Variants in CLIP2 observed in about 807,000 individuals in gnomAD.
CLIP2 encodes CAP-Gly domain-containing linker protein 2.
CLIP2 carries 41 observed loss-of-function variants against 111.7 expected under a neutral mutation model. The ratio of observed to expected loss-of-function variants is 0.37; its 90% CI spans 0.29 to 0.48. The LOEUF (loss-of-function observed/expected upper bound fraction) is 0.48. CLIP2 is among the 20% of genes least tolerant of loss of function. The pLI is 0.99. For missense variants in CLIP2, 1,160 were observed against 1,422.1 expected (o/e 0.82, Z 2.96); for synonymous variants, 660 against 644.2 (o/e 1.02, Z -0.37).
chr7:74,404,110 C>A lies in CLIP2; in HGVS notation c.*262C>A. ...GGGGACCTTCAGCCTGGACACCCGGCAGCTTCTGGAGTTTGTCAGTGGAGG... is the reference window on the plus strand; with the variant it reads ...GGGGACCTTCAGCCTGGACACCCGGAAGCTTCTGGAGTTTGTCAGTGGAGG... On this transcript the variant is annotated 3_prime_UTR_variant, in exon 17 of 17. Coordinates refer to ENST00000223398, the MANE Select transcript of CLIP2 (RefSeq NM_003388.5). The A allele has an allele frequency of 2.0e-6, 1 of 493,084 alleles. No homozygotes were observed. Among genetic ancestry groups the A allele is most frequent in the Non-Finnish European group, 3.7e-6 (1 of 268,032 alleles). 30.5% of individuals were successfully genotyped at this position (493,084 alleles called of 1,614,324 possible).
At chr7:74,364,147 G>C in intron 7 of CLIP2, 108 bp from the exon 8 acceptor site, 1 of 979,976 alleles carries the variant, frequency 1.0e-6, no homozygotes, top group Non-Finnish European at 1.5e-6. Flanking sequence ...CCTCGCCTCT[G>C]GATTCTGGGC....
intron 13 of CLIP2, among the ~76,000 whole-genome samples, chr7:74,392,094 G>A (rs1791305665): frequency 1.3e-5 from 2 of 151,740 alleles, no homozygotes; most frequent in African/African-American, 4.8e-5. Flanking sequence ...GCTCACGCCT[G>A]TAATCCCAGC....
rs782634260 is a variant in CLIP2, at chr7:74,338,815, G to A, written c.489G>A (p.Ser163=). 11 of 1,610,998 alleles carry A rather than the reference G, an allele frequency of 6.8e-6. No individual in the cohort carries two copies. The East Asian group carries it at 1.8e-4, about 26-fold the overall frequency. Residue 163 remains serine, a synonymous_variant, in exon 3 of 17, where the codon TCG becomes TCA. Coordinates refer to ENST00000223398, the MANE Select transcript of CLIP2 (RefSeq NM_003388.5). The surrounding 1 kb of genome is among the most constrained non-coding windows in gnomAD (Gnocchi z 4.3). ...GSGSDAHSVE[S]LTAQNLSLHS... is the part of the protein sequence containing the mutation. ...GGAGTGATGCCCACTCCGTGGAGTC[G>A]CTGACTGCCCAGAACCTGTCATTGC...
At chr7:74,293,336 T>G (rs1434812374) in intron 1 of CLIP2, among the ~76,000 whole-genome samples, 1 of 152,164 alleles carries the variant, frequency 6.6e-6, no homozygotes, top group Non-Finnish European at 1.5e-5. Flanking sequence ...TGCGGTTTCA[T>G]TTTTTCGGCC....
chr7:74,332,490 G>A (rs1789320336), intron 2 of CLIP2, among the ~76,000 whole-genome samples: 1 of 118,688 alleles, frequency 8.4e-6, no homozygotes, highest in South Asian at 2.9e-4. Context: ...TAGAGATGGG[G>A]TCTTGCTATG....
intron 2 of CLIP2, among the ~76,000 whole-genome samples, chr7:74,324,041 C>A (rs1209417764): frequency 6.6e-6 from 1 of 152,052 alleles, no homozygotes. Flanking sequence ...GCTCTTTCGC[C>A]CAGGCTGGAG....
chr7:74,364,417 G>C (rs930702168), intron 8 of CLIP2, 102 bp downstream of exon 8: 2 of 1,014,810 alleles, frequency 2.0e-6, no homozygotes, highest in Admixed American at 4.4e-5. Flanking sequence ...AGGCCCCCCC[G>C]GGGAAGGGGC....
intron 12 of CLIP2, among the ~76,000 whole-genome samples, chr7:74,387,833 T>C (rs145899625): frequency 1.6e-4 from 24 of 152,312 alleles, no homozygotes; most frequent in African/African-American, 5.0e-4. Flanking sequence ...ATTGTACCTG[T>C]TCTCTCAGGC....
At chr7:74,335,788 G>C (rs1445371406) in intron 2 of CLIP2, among the ~76,000 whole-genome samples, 1 of 148,562 alleles carries the variant, frequency 6.7e-6, no homozygotes, top group Non-Finnish European at 1.5e-5. Context: ...TGTCGCCCAG[G>C]CTAGAGTGCA....
chr7:74,357,688 T>G (rs1042263952), intron 6 of CLIP2, among the ~76,000 whole-genome samples: 5 of 152,312 alleles, frequency 3.3e-5, no homozygotes, highest in Admixed American at 2.6e-4. Flanking sequence ...TACATACACC[T>G]ACTTTCAGAA....
At chr7:74,400,638 C>T (rs957655552) in intron 15 of CLIP2, 83 bp downstream of exon 15, 23 of 1,357,852 alleles carry the variant, frequency 1.7e-5, no homozygotes, top group Non-Finnish European at 2.2e-5. Flanking sequence ...GGGAGGCAGC[C>T]TTGTCTTTAA....
At chr7:74,399,154 C>T (rs933448557) in intron 14 of CLIP2, among the ~76,000 whole-genome samples, 10 of 43,402 alleles carry the variant, frequency 2.3e-4, no homozygotes, top group South Asian at 7.5e-4. Flanking sequence ...AGGAGGCTGG[C>T]GGGCCTTGGG....
chr7:74,298,476 T>G (rs1788234871), intron 1 of CLIP2, among the ~76,000 whole-genome samples: 1 of 151,736 alleles, frequency 6.6e-6, no homozygotes, highest in African/African-American at 2.4e-5. Flanking sequence ...AGTGCTGGGA[T>G]TACAGGCATG....
intron 12 of CLIP2, among the ~76,000 whole-genome samples, chr7:74,386,946 C>G (rs1554314920): frequency 6.7e-6 from 1 of 150,278 alleles, no homozygotes; most frequent in Non-Finnish European, 1.5e-5. Flanking sequence ...TCGCTTGAAC[C>G]TGGAAGGCAG....
intron 3 of CLIP2, among the ~76,000 whole-genome samples, chr7:74,350,982 GGGAA>G (rs1316837277): frequency 5.6e-5 from 7 of 125,264 alleles, no homozygotes; most frequent in East Asian, 2.5e-4. Flanking sequence ...AAGGAAGGAA[GGGAA>G]GGAAGAGAAG....
At chr7:74,341,610 T>TC (rs1383817498) in intron 3 of CLIP2, among the ~76,000 whole-genome samples, 1 of 151,656 alleles carries the variant, frequency 6.6e-6, no homozygotes, top group African/African-American at 2.4e-5. Flanking sequence ...TTTTTTTTTT[T>TC]TGAAACAGGG....
At chr7:74,313,328 G>T (rs1554728758) in intron 1 of CLIP2, among the ~76,000 whole-genome samples, 1 of 152,048 alleles carries the variant, frequency 6.6e-6, no homozygotes, top group South Asian at 2.1e-4. Flanking sequence ...GGGAGGCCGA[G>T]GGGGGCAGAT....
intron 3 of CLIP2, among the ~76,000 whole-genome samples, chr7:74,339,912 A>AC (rs1789609578): frequency 1.3e-5 from 2 of 151,226 alleles, no homozygotes; most frequent in South Asian, 2.1e-4. Flanking sequence ...ACATAGTGAG[A>AC]CCCCATCTCT....
chr7:74,352,205 C>T (rs961856826), intron 3 of CLIP2, among the ~76,000 whole-genome samples: 22 of 152,058 alleles, frequency 1.4e-4, no homozygotes, highest in African/African-American at 5.3e-4. Context: ...GAGGCCAAGG[C>T]AGGTGAATCA....
Sources: gnomAD v4.1 joint callset for allele counts (sites outside exome capture counted in the v4.1 genomes callset) on GRCh38, gnomAD v4.1.1 for gene constraint, Gnocchi (gnomAD v3.1) non-coding constraint, MANE v1.5 for transcripts, NCBI Gene and HGNC (gene_info 2026-07-23, HGNC 2026-07-21) for gene names.